SIPA1L1: variants seen among roughly 807,000 people sequenced by gnomAD.
The protein encoded by SIPA1L1 is signal-induced proliferation-associated 1-like protein 1.
Under a neutral mutation model 162.7 loss-of-function variants are expected in SIPA1L1, and 26 were observed. The ratio of observed to expected loss-of-function variants is 0.16; its 90% CI spans 0.12 to 0.22. The LOEUF is 0.22. Ranked by LOEUF, SIPA1L1 falls within the 10% of genes least tolerant of loss-of-function variation. SIPA1L1 has a pLI of 1.00. For missense variants in SIPA1L1, 1,874 were observed against 2,241.0 expected (o/e 0.84, Z 3.31); for synonymous variants, 829 against 837.4 (o/e 0.99, Z 0.17).
intron 2 of SIPA1L1, among the ~76,000 whole-genome samples, chr14:71,334,036 C>T (rs1270155256): frequency 6.6e-6 from 1 of 152,026 alleles, no homozygotes; most frequent in East Asian, 1.9e-4. Flanking sequence ...AATGGGGATG[C>T]CATTTATTGA....
chr14:71,479,329 G>T (rs1028470718), intron 2 of SIPA1L1, among the ~76,000 whole-genome samples: 3 of 133,846 alleles, frequency 2.2e-5, no homozygotes, highest in African/African-American at 6.1e-5. Flanking sequence ...ATGTGTGTGT[G>T]TATGTAGGTA....
At chr14:71,583,913 A>G (rs1319262070) in intron 4 of SIPA1L1, among the ~76,000 whole-genome samples, 1 of 152,074 alleles carries the variant, frequency 6.6e-6, no homozygotes, top group Non-Finnish European at 1.5e-5. Context: ...CCAGCCAGTA[A>G]CTTAATTATT....
chr14:71,543,877 ATATATACATATATCATACGTATATGTG>A (rs1567178776), intron 4 of SIPA1L1, among the ~76,000 whole-genome samples: 2 of 146,212 alleles, frequency 1.4e-5, no homozygotes, highest in African/African-American at 5.0e-5. Context: ...ACGTATGTGT[ATATATACATATATCATACGTATATGTG>A]TGTATATATA....
At chr14:71,699,606 G>A (rs763976867) in intron 14 of SIPA1L1, among the ~76,000 whole-genome samples, 10 of 152,284 alleles carry the variant, frequency 6.6e-5, no homozygotes, top group African/African-American at 9.6e-5. Context: ...AGAGGGCCCC[G>A]GTAAATGAGG....
intron 2 of SIPA1L1, among the ~76,000 whole-genome samples, chr14:71,351,175 A>G (rs1323563391): frequency 6.6e-6 from 1 of 152,236 alleles, no homozygotes; most frequent in Non-Finnish European, 1.5e-5. Flanking sequence ...CAAGTACAGT[A>G]TAATTACATA....
chr14:71,708,343 AG>A (rs1464348109), intron 16 of SIPA1L1, among the ~76,000 whole-genome samples: 2 of 147,616 alleles, frequency 1.4e-5, no homozygotes, highest in African/African-American at 5.0e-5. Flanking sequence ...TTTTTGAGAC[AG>A]GGTATCACTC....
intron 3 of SIPA1L1, among the ~76,000 whole-genome samples, chr14:71,521,648 A>T (rs1363480563): frequency 2.0e-5 from 3 of 152,206 alleles, no homozygotes; most frequent in African/African-American, 7.2e-5. Flanking sequence ...CTTTTGCTAC[A>T]AATATGTGTC....
intron 4 of SIPA1L1, among the ~76,000 whole-genome samples, chr14:71,543,677 A>G (rs1474692447): frequency 6.8e-6 from 1 of 146,852 alleles, no homozygotes; most frequent in Non-Finnish European, 1.5e-5. Context: ...CTGATTGGCC[A>G]TTCATGCGGT....
At chr14:71,448,625 T>C (rs944711026) in intron 2 of SIPA1L1, 3 of 152,272 alleles carry the variant, frequency 2.0e-5, no homozygotes, top group East Asian at 1.9e-4. Context: ...TAATGTGTTA[T>C]GTTTCCCTTG....
chr14:71,621,444 C>G (rs2039437820), intron 6 of SIPA1L1, among the ~76,000 whole-genome samples: 1 of 152,174 alleles, frequency 6.6e-6, no homozygotes, highest in Non-Finnish European at 1.5e-5. Flanking sequence ...CTCAGGACAC[C>G]TCTGCCTCAG....
intron 7 of SIPA1L1, among the ~76,000 whole-genome samples, chr14:71,646,422 C>T (rs1346493832): frequency 4.6e-5 from 7 of 152,146 alleles, no homozygotes; most frequent in Non-Finnish European, 5.9e-5. Flanking sequence ...ATGAGCCACC[C>T]GCCTCGGCCT....
At chr14:71,543,925 A>G (rs1383677103) in intron 4 of SIPA1L1, among the ~76,000 whole-genome samples, 1 of 132,844 alleles carries the variant, frequency 7.5e-6, no homozygotes, top group Non-Finnish European at 1.6e-5. Context: ...CATATATCAT[A>G]CGTATATGTG....
chr14:71,630,925 A>C (rs2040503358), intron 7 of SIPA1L1, among the ~76,000 whole-genome samples: 1 of 151,830 alleles, frequency 6.6e-6, no homozygotes, highest in Admixed American at 6.6e-5. Flanking sequence ...CACAACATGA[A>C]GGTTTGTTAC....
At chr14:71,336,399 C>G (rs1298467514) in intron 2 of SIPA1L1, among the ~76,000 whole-genome samples, 2 of 152,202 alleles carry the variant, frequency 1.3e-5, no homozygotes, top group East Asian at 3.8e-4. Context: ...TAGGCTACCA[C>G]TAACCTACTT....
intron 14 of SIPA1L1, 144 bp downstream of exon 14, chr14:71,699,271 G>C: frequency 1.2e-6 from 1 of 815,744 alleles, no homozygotes; most frequent in Non-Finnish European, 1.9e-6. Flanking sequence ...TAATAATCCA[G>C]ATAGAAAAAT....
At chr14:71,646,897 A>T (rs1482254080) in intron 7 of SIPA1L1, among the ~76,000 whole-genome samples, 1 of 152,220 alleles carries the variant, frequency 6.6e-6, no homozygotes, top group Non-Finnish European at 1.5e-5. Context: ...TGTGTTTCTG[A>T]GACAATAAAT....
chr14:71,442,027 G>T (rs1271380869), intron 2 of SIPA1L1, among the ~76,000 whole-genome samples: 1 of 151,746 alleles, frequency 6.6e-6, no homozygotes, highest in East Asian at 1.9e-4. Flanking sequence ...CAAAAAATTA[G>T]GTAGGCATGG....
chr14:71,728,895 C>G (rs1443588642), intron 19 of SIPA1L1, among the ~76,000 whole-genome samples: 1 of 152,184 alleles, frequency 6.6e-6, no homozygotes, highest in African/African-American at 2.4e-5. Context: ...AAGAGATACT[C>G]AGAAGCTTGC....
intron 22 of SIPA1L1, 22 bp from the exon 23 acceptor site, chr14:71,738,219 G>A (rs375706746): frequency 1.2e-5 from 18 of 1,471,278 alleles, no homozygotes; most frequent in Non-Finnish European, 1.6e-5. Flanking sequence ...TGCCAACATG[G>A]TCTTTTGTTT....
Sources: allele counts gnomAD v4.1 joint callset (sites outside exome capture counted in the v4.1 genomes callset), GRCh38; gene constraint gnomAD v4.1.1; transcripts MANE v1.5; gene names NCBI Gene and HGNC (gene_info 2026-07-23, HGNC 2026-07-21).